The following CCDC102B variants were observed in gnomAD, a reference collection of about 807,000 sequenced individuals.
CCDC102B encodes the protein coiled-coil domain-containing protein 102B.
Under a neutral mutation model 57.4 loss-of-function variants are expected in CCDC102B, and 75 were observed. The ratio of observed to expected loss-of-function variants is 1.31; its 90% CI spans 1.08 to 1.58. The LOEUF is 1.58. CCDC102B is among the 40% of genes most tolerant of loss of function. CCDC102B has a pLI of 0.00. For synonymous variants in CCDC102B, 206 were observed against 201.9 expected, an observed-to-expected ratio of 1.02 and a Z score of -0.17; for missense variants, 636 against 582.6, an observed-to-expected ratio of 1.09 and a Z score of -0.94.
intron 3 of CCDC102B, among the ~76,000 whole-genome samples, chr18:68,841,856 C>T (rs1450509875): frequency 6.6e-6 from 1 of 152,136 alleles, no homozygotes; most frequent in Non-Finnish European, 1.5e-5. Flanking sequence ...CCTCAGCCTC[C>T]CAAGTAGCTG....
At chr18:68,813,189 C>T (rs2036337101) in intron 1 of CCDC102B, among the ~76,000 whole-genome samples, 1 of 152,106 alleles carries the variant, frequency 6.6e-6, no homozygotes, top group South Asian at 2.1e-4. Context: ...ACTTCTCTCT[C>T]TCTCTCTCTC....
intron 2 of CCDC102B, among the ~76,000 whole-genome samples, chr18:68,769,674 G>A (rs2034577120): frequency 6.6e-6 from 1 of 151,926 alleles, no homozygotes; most frequent in South Asian, 2.1e-4. Context: ...AGAAGACTGT[G>A]AGTAGTAATA....
intron 2 of CCDC102B, among the ~76,000 whole-genome samples, chr18:68,787,602 T>A (rs907753678): frequency 2.6e-5 from 4 of 151,416 alleles, no homozygotes; most frequent in Non-Finnish European, 5.9e-5. Context: ...CTAGATTTTC[T>A]AGTTTATTTG....
intron 5 of CCDC102B, among the ~76,000 whole-genome samples, chr18:68,877,250 G>A (rs1276045485): frequency 6.6e-6 from 1 of 152,198 alleles, no homozygotes; most frequent in Non-Finnish European, 1.5e-5. Flanking sequence ...ATGTGAGTGG[G>A]AAAAGAAGGG....
intron 5 of CCDC102B, among the ~76,000 whole-genome samples, chr18:68,884,681 T>C (rs533636405): frequency 2.0e-5 from 3 of 150,540 alleles, no homozygotes; most frequent in African/African-American, 7.3e-5. Context: ...TATATATATG[T>C]ATCCTCTGAC....
Position 68,999,603 on chromosome 18 carries a change from T to TTTTG in CCDC102B, c.1264-11307_1264-11304dup, listed in dbSNP as rs143073155. Reference sequence around the variant, plus strand: ...CCTGGGTGACAGAGCAAGATTCTGGTTTTGTTTGTTTGTTTGTTTGTTTGT... The same window carrying TTTTG: ...CCTGGGTGACAGAGCAAGATTCTGGTTTTGTTTGTTTGTTTGTTTGTTTGTTTGT... On this transcript the variant is annotated intron_variant, in intron 6 of 7. Transcript: ENST00000360242. Among the ~76,000 whole-genome samples the TTTTG allele has an allele frequency of 3.7e-4, 56 of 151,946 alleles. 1 individual carries two copies. Among genetic ancestry groups the TTTTG allele is most frequent in the South Asian group, 1.5e-3 (7 of 4,802 alleles).
chr18:68,803,365 A>T (rs1433162337), intron 1 of CCDC102B, among the ~76,000 whole-genome samples: 1 of 152,228 alleles, frequency 6.6e-6, no homozygotes, highest in East Asian at 1.9e-4. Context: ...CATACATAGT[A>T]TATAAATATA....
chr18:68,895,568 C>G (rs1465098687), intron 5 of CCDC102B, among the ~76,000 whole-genome samples: 1 of 151,556 alleles, frequency 6.6e-6, no homozygotes, highest in Non-Finnish European at 1.5e-5. Context: ...AATGTTAAAA[C>G]AAGTAATTTA....
rs1568222945 is a variant in CCDC102B, at chr18:68,733,509, TTTTTA to T, written c.-67+16916_-67+16920del. On this transcript the variant is annotated intron_variant, in intron 2 of 3. Transcript: ENST00000578970. ...ATATATATATATATATATATATATT[TTTTTA>T]ACTTAAGCATGCTTTAAGAAGTTAG... Among the ~76,000 whole-genome samples, 6 of 14,984 alleles carry T rather than the reference TTTTTA, an allele frequency of 4.0e-4. No individual in the cohort carries two copies. In the South Asian group the frequency reaches 0.014, roughly 36 times the overall value. The allele number at this position is 14,984 out of a possible 152,430, so 9.8% of individuals were successfully genotyped here. A position where few individuals can be genotyped will look rare whatever the true frequency, so the allele number is the denominator to read the frequency against.
intron 4 of CCDC102B, among the ~76,000 whole-genome samples, chr18:68,865,274 A>G (rs1568298182): frequency 6.6e-6 from 1 of 152,044 alleles, no homozygotes; most frequent in African/African-American, 2.4e-5. Context: ...TATTTTCGCA[A>G]ATAGATGCTG....
At position 68,995,114 on chromosome 18, in the gene CCDC102B, G is replaced by A. The variant is rs563786284; in HGVS notation, c.1264-15820G>A. On this transcript the variant is annotated intron_variant, in intron 6 of 7. Transcript: ENST00000360242. ...GATGACTTTTGCTATGCTTTAGCAA[G>A]GGGACTGGCAGCATTTTGCCCCTGC... Among the ~76,000 whole-genome samples the A allele has an allele frequency of 9.7e-4, 147 of 152,302 alleles. 1 individual carries two copies. In the South Asian group the frequency reaches 0.017, roughly 17 times the overall value.
intron 6 of CCDC102B, among the ~76,000 whole-genome samples, chr18:68,959,948 C>CA (rs1423305673): frequency 6.6e-6 from 1 of 152,122 alleles, no homozygotes; most frequent in Non-Finnish European, 1.5e-5. Context: ...AAGGCCTGGA[C>CA]TCAGGTACCC....
chr18:68,805,915 G>C (rs1465288569), intron 1 of CCDC102B, among the ~76,000 whole-genome samples: 3 of 152,150 alleles, frequency 2.0e-5, no homozygotes, highest in Non-Finnish European at 4.4e-5. Context: ...AGACTCTACA[G>C]TGTTGTCAGT....
intron 6 of CCDC102B, among the ~76,000 whole-genome samples, chr18:68,898,207 TCTCA>T (rs1390837630): frequency 6.6e-6 from 1 of 152,094 alleles, no homozygotes; most frequent in African/African-American, 2.4e-5. Flanking sequence ...CAATTCTATT[TCTCA>T]CTCAGTTTCT....
chr18:68,946,593 T>TA (rs2049546567), intron 6 of CCDC102B, among the ~76,000 whole-genome samples: 3 of 152,028 alleles, frequency 2.0e-5, no homozygotes, highest in Non-Finnish European at 4.4e-5. Context: ...CTAAGTGCTT[T>TA]AGGGCAGTTT....
At chr18:68,835,547 A>G (rs956051785) in intron 1 of CCDC102B, among the ~76,000 whole-genome samples, 5 of 152,208 alleles carry the variant, frequency 3.3e-5, no homozygotes, top group Admixed American at 2.0e-4. Flanking sequence ...CCTTATCACA[A>G]TATTAACCAC....
intron 2 of CCDC102B, among the ~76,000 whole-genome samples, chr18:68,726,613 T>C (rs2032607301): frequency 6.6e-6 from 1 of 152,200 alleles, no homozygotes; most frequent in African/African-American, 2.4e-5. Flanking sequence ...GGCTAATTTT[T>C]TTGCAATATT....
intron 2 of CCDC102B, among the ~76,000 whole-genome samples, chr18:68,742,126 T>C (rs2145225153): frequency 6.6e-6 from 1 of 152,282 alleles, no homozygotes; most frequent in South Asian, 2.1e-4. Context: ...AAATCTGATA[T>C]CAAGATGTCT....
In CCDC102B at chr18:68,810,680, G is replaced by GTTTTTTT. The variant is rs61714863; in HGVS notation, c.-16+12520_-16+12526dup. ...TGAAAAATTTTCTTTTCTTTTCTTT[G>GTTTTTTT]TTTTTTTTTTTTTTTTTTTTTTTTT... On this transcript the variant is annotated intron_variant, in intron 1 of 7. Transcript: ENST00000360242. 1.5e-3 allele frequency among the ~76,000 whole-genome samples: 114 copies of GTTTTTTT among 77,036 alleles called. 2 individuals carry two copies. The highest frequency in any genetic ancestry group is 2.4e-3 in the African/African-American group (47 of 19,680). 50.5% of individuals were successfully genotyped at this position (77,036 alleles called of 152,430 possible).
Sources: allele counts gnomAD v4.1 joint callset (sites outside exome capture counted in the v4.1 genomes callset), GRCh38; gene constraint gnomAD v4.1.1; transcripts MANE v1.5; gene names NCBI Gene and HGNC (gene_info 2026-07-23, HGNC 2026-07-21).